The following EXT2 variants were observed in gnomAD, a reference collection of about 807,000 sequenced individuals.
EXT2 encodes the protein exostosin glycosyltransferase 2.
A neutral mutation model predicts 81.6 loss-of-function variants in EXT2; 53 were observed. The ratio of observed to expected loss-of-function variants is 0.65; its 90% CI spans 0.52 to 0.82. EXT2 has a LOEUF of 0.82. Ranked by LOEUF, EXT2 falls within the 40% of genes least tolerant of loss-of-function variation. EXT2 has a pLI of 0.00. For synonymous variants in EXT2, 320 were observed against 340.0 expected (o/e 0.94, Z 0.65); for missense variants, 774 against 910.2 (o/e 0.85, Z 1.93).
chr11:44,141,143 G>A (rs1322680075), intron 7 of EXT2, among the ~76,000 whole-genome samples: 4 of 152,234 alleles, frequency 2.6e-5, no homozygotes, highest in Admixed American at 1.3e-4. Flanking sequence ...AAATGGCATA[G>A]TATTTGCATA....
rs1349179281 is a variant in EXT2 at position 44,245,091 on chromosome 11, G to T, written c.*804G>T. 2 of 230,756 alleles carry T rather than the reference G, an allele frequency of 8.7e-6. No individual in the cohort carries two copies. The highest frequency in any genetic ancestry group is 1.7e-5 in the Non-Finnish European group (2 of 116,504). The allele number at this position is 230,756 out of a possible 1,614,324, so 14.3% of individuals were successfully genotyped here. A position where few individuals can be genotyped will look rare whatever the true frequency, so the allele number is the denominator to read the frequency against. Reference sequence around the variant, plus strand: ...TACCCTCTGCATCAAGCGTAAGAAGGTCCCAAATCATAACCATTTTAAGAA... The same window carrying T: ...TACCCTCTGCATCAAGCGTAAGAAGTTCCCAAATCATAACCATTTTAAGAA... On this transcript the variant is annotated 3_prime_UTR_variant, in exon 14 of 14. Coordinates refer to ENST00000533608, the MANE Select transcript of EXT2 (RefSeq NM_207122.2).
chr11:44,160,260 C>T (rs1364878492), intron 7 of EXT2, among the ~76,000 whole-genome samples: 1 of 152,238 alleles, frequency 6.6e-6, no homozygotes, highest in Non-Finnish European at 1.5e-5. Context: ...TACCCTGGCA[C>T]TGGTTCCTGG....
At chr11:44,230,862 A>C (rs950906032) in intron 10 of EXT2, among the ~76,000 whole-genome samples, 4 of 152,282 alleles carry the variant, frequency 2.6e-5, no homozygotes, top group Admixed American at 1.3e-4. Flanking sequence ...GGGTCCAAAC[A>C]CACTGGCTCT....
chr11:44,124,444 TACACACACACACACACAC>T (rs57261356), intron 4 of EXT2, among the ~76,000 whole-genome samples: 25 of 145,038 alleles, frequency 1.7e-4, no homozygotes, highest in Non-Finnish European at 3.2e-4. Flanking sequence ...GTTTCTCTCC[TACACACACACACACACAC>T]ACACACACAC....
intron 13 of EXT2, among the ~76,000 whole-genome samples, chr11:44,239,941 A>G (rs1036035855): frequency 1.3e-5 from 2 of 152,164 alleles, no homozygotes; most frequent in Non-Finnish European, 2.9e-5. Flanking sequence ...TAGGATTTGC[A>G]TATAACCTTC....
intron 13 of EXT2, among the ~76,000 whole-genome samples, chr11:44,240,082 T>C (rs1956019734): frequency 6.6e-6 from 1 of 152,174 alleles, no homozygotes; most frequent in Non-Finnish European, 1.5e-5. Flanking sequence ...CTGTACATGT[T>C]TAGTATAGAT....
intron 10 of EXT2, among the ~76,000 whole-genome samples, chr11:44,214,236 CT>C (rs1164688760): frequency 6.6e-6 from 1 of 152,056 alleles, no homozygotes; most frequent in Non-Finnish European, 1.5e-5. Context: ...GCCTCAGCCT[CT>C]CCGAGTAGCT....
At chr11:44,169,845 A>G (rs1955046496) in intron 7 of EXT2, among the ~76,000 whole-genome samples, 1 of 152,012 alleles carries the variant, frequency 6.6e-6, no homozygotes, top group South Asian at 2.1e-4. Flanking sequence ...TGGATTTAGG[A>G]TGCTCAACCT....
chr11:44,098,281 A>C (rs531002493), intron 1 of EXT2, among the ~76,000 whole-genome samples: 1 of 151,990 alleles, frequency 6.6e-6, no homozygotes, highest in South Asian at 2.1e-4. Flanking sequence ...CTGTTTTGGG[A>C]GGATTGGTTC....
At position 44,119,165 on chromosome 11, in the gene EXT2, TATATAC is replaced by T. The variant is rs1565201286; in HGVS notation, c.743+4866_743+4871del. On this transcript the variant is annotated intron_variant, in intron 4 of 13. Transcript: ENST00000533608. ...ATATATATATATATATATATATATA[TATATAC>T]ACATACACACACACACACACACATT... is the stretch of plus-strand genomic sequence containing the variant. 7.7e-4 allele frequency among the ~76,000 whole-genome samples: 37 copies of T among 48,046 alleles called. 1 individual carries two copies. Among genetic ancestry groups the T allele is most frequent in the African/African-American group, 2.3e-3 (36 of 15,768 alleles). 31.5% of individuals were successfully genotyped at this position (48,046 alleles called of 152,430 possible).
At position 44,108,031 on chromosome 11, in the gene EXT2, T is replaced by C; in HGVS notation, c.319T>C (p.Tyr107His). Residue 107 changes from tyrosine to histidine, a missense_variant, in exon 2 of 14, where the codon TAT becomes CAT. Physicochemically the swap from Tyr to His is moderately conservative, Grantham distance 83 (BLOSUM62 2). This residue lies in a region of EXT2 where 626 missense variants were observed against 670.5 expected (regional missense o/e 0.93). Transcript: ENST00000533608. Reference protein sequence around the residue: ...GFNPKNKIKVYIYALKKYVDD... With the variant: ...GFNPKNKIKVHIYALKKYVDD... ...CAACCCAAAGAACAAAATCAAGGTG[T>C]ATATCTATGCTCTGAAAAAGTACGT... is the stretch of plus-strand genomic sequence containing the variant. 1 of 1,614,140 alleles carries C rather than the reference T, an allele frequency of 6.2e-7. No individual in the cohort carries two copies. Among genetic ancestry groups the C allele is most frequent in the Non-Finnish European group, 8.5e-7 (1 of 1,180,024 alleles).
At chr11:44,170,468 C>T (rs1347281841) in intron 7 of EXT2, among the ~76,000 whole-genome samples, 1 of 151,826 alleles carries the variant, frequency 6.6e-6, no homozygotes, top group Non-Finnish European at 1.5e-5. Context: ...AAAATCAGAA[C>T]AAAAACTAGC....
At chr11:44,111,363 T>C (rs539405953) in intron 3 of EXT2, among the ~76,000 whole-genome samples, 2 of 152,220 alleles carry the variant, frequency 1.3e-5, no homozygotes, top group African/African-American at 2.4e-5. Flanking sequence ...TCCTCTGTTT[T>C]CACTCCCTTC....
chr11:44,143,722 T>C (rs1954677206), intron 7 of EXT2, among the ~76,000 whole-genome samples: 1 of 151,990 alleles, frequency 6.6e-6, no homozygotes, highest in East Asian at 1.9e-4. Flanking sequence ...GCAGCAGTGA[T>C]AGATGGTATT....
chr11:44,212,636 CAGACATATGTCTGCATAA>C (rs1413206591), intron 10 of EXT2, among the ~76,000 whole-genome samples: 1 of 152,076 alleles, frequency 6.6e-6, no homozygotes, highest in Non-Finnish European at 1.5e-5. Flanking sequence ...TATATATGTG[CAGACATATGTCTGCATAA>C]AGACTTATAA....
chr11:44,134,769 G>C (rs1443183639), intron 7 of EXT2, among the ~76,000 whole-genome samples: 1 of 152,130 alleles, frequency 6.6e-6, no homozygotes, highest in Non-Finnish European at 1.5e-5. Flanking sequence ...TCTTTTATTG[G>C]TCAGTGGCTC....
chr11:44,148,062 C>T (rs953248261), intron 7 of EXT2, among the ~76,000 whole-genome samples: 2 of 152,104 alleles, frequency 1.3e-5, no homozygotes, highest in East Asian at 3.9e-4. Context: ...ATTCTTAGTG[C>T]ATGACTTTGG....
Position 44,130,233 on chromosome 11 carries a change from G to T in EXT2, c.1173+95G>T, listed in dbSNP as rs1954473079. 1.2e-5 allele frequency: 11 copies of T among 926,420 alleles called. No individual in the cohort carries two copies. In the South Asian group the frequency reaches 1.5e-4, roughly 12 times the overall value. 57.4% of individuals were successfully genotyped at this position (926,420 alleles called of 1,614,324 possible). On this transcript the variant is annotated intron_variant, in intron 7 of 13. Coordinates refer to ENST00000533608, the MANE Select transcript of EXT2 (RefSeq NM_207122.2). ...GACAGGAGCTGAATGCCTGAGTGGG[G>T]TTTACTTCCTCCACTAGATCAACTA... is the stretch of plus-strand genomic sequence containing the variant.
chr11:44,201,071 G>T (rs913006744), intron 9 of EXT2, among the ~76,000 whole-genome samples: 44 of 152,126 alleles, frequency 2.9e-4, no homozygotes, highest in African/African-American at 1.1e-3. Context: ...TATTTTTCAG[G>T]CTACTTTGTA....
Sources: allele counts gnomAD v4.1 joint callset (sites outside exome capture counted in the v4.1 genomes callset), GRCh38; gene constraint gnomAD v4.1.1; regional missense constraint gnomAD v4.1.1; transcripts MANE v1.5; gene names NCBI Gene and HGNC (gene_info 2026-07-23, HGNC 2026-07-21).